The following DLG1 variants were observed in gnomAD, a reference collection of about 807,000 sequenced individuals.
DLG1 encodes disks large homolog 1.
Under a neutral mutation model 123.4 loss-of-function variants are expected in DLG1, and 42 were observed. The observed-to-expected ratio is 0.34, with a 90% CI of 0.27 to 0.44. The LOEUF (loss-of-function observed/expected upper bound fraction) is 0.44. Ranked by LOEUF, DLG1 falls within the 20% of genes least tolerant of loss-of-function variation. The pLI is 1.00. For synonymous variants in DLG1, 317 were observed against 356.2 expected (o/e 0.89, Z 1.24); for missense variants, 942 against 1,082.6 (o/e 0.87, Z 1.82).
chr3:197,247,262 T>C (rs1004585030), intron 4 of DLG1, among the ~76,000 whole-genome samples: 19 of 152,146 alleles, frequency 1.2e-4, no homozygotes, highest in African/African-American at 3.4e-4. Flanking sequence ...GGGGGAGACA[T>C]AGACTCAGGC....
intron 4 of DLG1, among the ~76,000 whole-genome samples, chr3:197,252,045 C>T (rs139771100): frequency 1.5e-4 from 23 of 152,206 alleles, no homozygotes; most frequent in African/African-American, 5.5e-4. Context: ...TCTCTTTTCC[C>T]TCTTTTATAG....
At chr3:197,101,789 G>A (rs1038462846) in intron 14 of DLG1, among the ~76,000 whole-genome samples, 7 of 151,832 alleles carry the variant, frequency 4.6e-5, no homozygotes, top group South Asian at 4.2e-4. Flanking sequence ...TCCCATGTTC[G>A]ATTATTTTTA....
chr3:197,226,250 T>C (rs1438502971), intron 4 of DLG1: 1 of 152,224 alleles, frequency 6.6e-6, no homozygotes, highest in Non-Finnish European at 1.5e-5. Flanking sequence ...TAGCACCACT[T>C]TGTCAGGGCC....
At chr3:197,241,117 T>C (rs1748628085) in intron 4 of DLG1, among the ~76,000 whole-genome samples, 1 of 151,582 alleles carries the variant, frequency 6.6e-6, no homozygotes, top group Non-Finnish European at 1.5e-5. Flanking sequence ...ATTTGAAAAG[T>C]CAAAGACAAA....
At chr3:197,081,406 CTGAGTT>C (rs1183944874) in intron 16 of DLG1, among the ~76,000 whole-genome samples, 2 of 152,142 alleles carry the variant, frequency 1.3e-5, no homozygotes, top group Non-Finnish European at 2.9e-5. Flanking sequence ...GGCACCATTT[CTGAGTT>C]TAACAGTTTT....
intron 5 of DLG1, among the ~76,000 whole-genome samples, chr3:197,186,092 C>G (rs1315384327): frequency 6.6e-6 from 1 of 152,172 alleles, no homozygotes; most frequent in Non-Finnish European, 1.5e-5. Context: ...TTGGGAAAGA[C>G]TTCTTTATGA....
chr3:197,205,800 G>A (rs879847874), intron 4 of DLG1, among the ~76,000 whole-genome samples: 2 of 152,174 alleles, frequency 1.3e-5, no homozygotes, highest in African/African-American at 2.4e-5. Context: ...TGTGTCTGAG[G>A]AGGCTCTACA....
At chr3:197,298,880 G>A (rs1778662372), upstream of DLG1, 3 of 312,986 alleles carry the variant, frequency 9.6e-6, no homozygotes, top group Non-Finnish European at 1.7e-5. Context: ...AGATTTTTAA[G>A]CCTAACTGAT....
chr3:197,141,549 T>C (rs1183213179), intron 7 of DLG1, among the ~76,000 whole-genome samples: 1 of 152,200 alleles, frequency 6.6e-6, no homozygotes, highest in Non-Finnish European at 1.5e-5. Context: ...GATTTATTTT[T>C]CTCAGATTCT....
chr3:197,104,004 A>G (rs1039251166), intron 14 of DLG1, among the ~76,000 whole-genome samples: 3 of 152,076 alleles, frequency 2.0e-5, no homozygotes, highest in Non-Finnish European at 4.4e-5. Context: ...CTCCATCACC[A>G]CCTTCTTCCC....
chr3:197,090,343 A>C (rs1052818046), intron 15 of DLG1, among the ~76,000 whole-genome samples: 5 of 151,926 alleles, frequency 3.3e-5, no homozygotes, highest in African/African-American at 1.2e-4. Flanking sequence ...TTTATATACT[A>C]ATATCACCTA....
chr3:197,204,112 C>G lies in DLG1; in HGVS notation c.319-9523G>C, dbSNP rs138203663. On this transcript the variant is annotated intron_variant, in intron 4 of 24. Transcript: ENST00000667157. ...TCCAGCTAAAGATTATAATCTTATT[C>G]CCACTGCTCAGTCTGCTCCCATGTA... 2.0e-5 allele frequency among the ~76,000 whole-genome samples: 3 copies of G among 152,300 alleles called. No individual in the cohort carries two copies. The East Asian group carries it at 5.8e-4, about 29-fold the overall frequency.
At chr3:197,253,110 TAAAG>T (rs1755265096) in intron 4 of DLG1, among the ~76,000 whole-genome samples, 1 of 152,018 alleles carries the variant, frequency 6.6e-6, no homozygotes, top group African/African-American at 2.4e-5. Flanking sequence ...GAAAGATCCT[TAAAG>T]AAAGGATGAA....
intron 4 of DLG1, among the ~76,000 whole-genome samples, chr3:197,234,898 G>A (rs1745155460): frequency 6.6e-6 from 1 of 152,076 alleles, no homozygotes; most frequent in Non-Finnish European, 1.5e-5. Context: ...GGAAACTACT[G>A]AAGTAGTAGT....
intron 22 of DLG1, among the ~76,000 whole-genome samples, chr3:197,061,102 C>A (rs1735454867): frequency 6.6e-6 from 1 of 152,200 alleles, no homozygotes; most frequent in Non-Finnish European, 1.5e-5. Context: ...CCATGCTCAG[C>A]CCCATAATGC....
chr3:197,070,263 G>A (rs749690072), intron 18 of DLG1: 5 of 149,842 alleles, frequency 3.3e-5, no homozygotes, highest in Non-Finnish European at 7.4e-5. Context: ...TTAATTAAAG[G>A]GACAGGGCCT....
chr3:197,163,687 A>ATTTTTTTTTTT (rs56865627), intron 5 of DLG1, among the ~76,000 whole-genome samples: 176 of 102,048 alleles, frequency 1.7e-3, no homozygotes, highest in African/African-American at 2.8e-3. Context: ...ATGCTCAGCT[A>ATTTTTTTTTTT]TTTTTTTTTT....
chr3:197,085,888 C>T (rs962986801), intron 15 of DLG1, 132 bp from the exon 16 acceptor site: 1 of 713,010 alleles, frequency 1.4e-6, no homozygotes, highest in African/African-American at 1.8e-5. Flanking sequence ...CAGTTCAATT[C>T]TGCACTGCAT....
At chr3:197,143,648 A>G (rs1789203440) in intron 6 of DLG1, among the ~76,000 whole-genome samples, 1 of 152,180 alleles carries the variant, frequency 6.6e-6, no homozygotes, top group Non-Finnish European at 1.5e-5. Context: ...TGGGTTGGTA[A>G]TCATGTCTTC....
Sources: gnomAD v4.1 joint callset for allele counts (sites outside exome capture counted in the v4.1 genomes callset) on GRCh38, gnomAD v4.1.1 for gene constraint, MANE v1.5 for transcripts, NCBI Gene and HGNC (gene_info 2026-07-23, HGNC 2026-07-21) for gene names.